ACOX2: variants seen among roughly 807,000 people sequenced by gnomAD.
The protein encoded by ACOX2 is peroxisomal acyl-coenzyme A oxidase 2.
ACOX2 carries 59 observed loss-of-function variants against 77.5 expected under a neutral mutation model. The ratio of observed to expected loss-of-function variants is 0.76; its 90% confidence interval spans 0.62 to 0.95. The LOEUF (loss-of-function observed/expected upper bound fraction) is 0.95. Ranked by LOEUF, ACOX2 falls within the 40% of genes least tolerant of loss-of-function variation. The pLI is 0.00. For synonymous variants in ACOX2, 317 were observed against 340.1 expected, an observed-to-expected ratio of 0.93 and a Z score of 0.75; for missense variants, 837 against 880.4, an observed-to-expected ratio of 0.95 and a Z score of 0.62.
At chr3:58,517,016 A>AT (rs1408580485) in intron 13 of ACOX2, among the ~76,000 whole-genome samples, 190 bp downstream of exon 13, 26 of 151,746 alleles carry the variant, frequency 1.7e-4, no homozygotes, top group Admixed American at 1.1e-3. Context: ...TATTTTTCCC[A>AT]TTTTTTCCCA....
intron 12 of ACOX2, among the ~76,000 whole-genome samples, chr3:58,518,075 CAAAAAAAAAAAAAAAAAA>C (rs763535906): frequency 4.2e-5 from 2 of 47,680 alleles, no homozygotes; most frequent in Non-Finnish European, 6.9e-5. Flanking sequence ...AACTCCATCT[CAAAAAAAAAAAAAAAAAA>C]AAAAAAAGAA....
Position 58,519,610 on chromosome 3 carries a change from G to A in ACOX2, c.1633-2187C>T, listed in dbSNP as rs1205180646. 2.0e-5 allele frequency among the ~76,000 whole-genome samples: 3 copies of A among 152,160 alleles called. No homozygotes were observed. The highest frequency in any genetic ancestry group is 7.2e-5 in the African/African-American group (3 of 41,438). On this transcript the variant is annotated intron_variant, in intron 12 of 14. Transcript: ENST00000302819. This position sits in a 1 kb window ranked among gnomAD's most constrained non-coding sequence, Gnocchi z 5.0. ...CTGGGGCCCAGGTCAGTGAAGGGCTGTGAATAACATGGTCAGAATTTGCTC... is the reference window on the plus strand; with the variant it reads ...CTGGGGCCCAGGTCAGTGAAGGGCTATGAATAACATGGTCAGAATTTGCTC...
rs1164992458 is a variant in ACOX2, at chr3:58,535,187, G to A, written c.-81C>T. 1 of 1,569,576 alleles carries A rather than the reference G, an allele frequency of 6.4e-7. No homozygotes were observed. The highest frequency in any genetic ancestry group is 1.7e-5 in the Admixed American group (1 of 59,452). ...GAGGGTCTGCTCTCAGCATTGGTCA[G>A]TGCAAAGAACCTGTGTGCAAGAGGA... On this transcript the variant is annotated 5_prime_UTR_variant, in exon 2 of 15. Transcript: ENST00000302819. The surrounding 1 kb of genome is among the most constrained non-coding windows in gnomAD (Gnocchi z 4.8).
rs752818120 is a variant in ACOX2 at position 58,519,882 on chromosome 3, G to C, written c.1633-2459C>G. Among the ~76,000 whole-genome samples the C allele has an allele frequency of 1.3e-5, 2 of 152,244 alleles. No individual in the cohort carries two copies. The highest frequency in any genetic ancestry group is 4.8e-5 in the African/African-American group (2 of 41,466). On this transcript the variant is annotated intron_variant, in intron 12 of 14. Transcript: ENST00000302819. The surrounding 1 kb of genome is among the most constrained non-coding windows in gnomAD (Gnocchi z 5.0). ...ACTGGGTCCAGCTTGGCAGAACTGCGGACCCGCACTCCTTTTCCTGTCCTA... is the reference window on the plus strand; with the variant it reads ...ACTGGGTCCAGCTTGGCAGAACTGCCGACCCGCACTCCTTTTCCTGTCCTA...
intron 12 of ACOX2, among the ~76,000 whole-genome samples, chr3:58,518,535 G>A (rs138330955): frequency 2.6e-5 from 4 of 152,180 alleles, no homozygotes; most frequent in Non-Finnish European, 4.4e-5. Context: ...TGAACAGTCC[G>A]CATCTCGTCA....
At position 58,534,842 on chromosome 3, in the gene ACOX2, A is replaced by G; in HGVS notation, c.160+105T>C. ...ATGAATCTCTAACAGTGGAATTTCA[A>G]GGGCAAAGTTTGTTATTTGGAAGCA... is the stretch of plus-strand genomic sequence containing the variant. On this transcript the variant is annotated intron_variant, in intron 2 of 14. Transcript: ENST00000302819. The surrounding 1 kb of genome is among the most constrained non-coding windows in gnomAD (Gnocchi z 4.8). 1 of 1,545,128 alleles carries G rather than the reference A, an allele frequency of 6.5e-7. No homozygotes were observed. The highest frequency in any genetic ancestry group is 1.4e-5 in the African/African-American group (1 of 73,538).
At position 58,505,794 on chromosome 3, in the gene ACOX2, T is replaced by C. The variant is rs2063230084; in HGVS notation, c.1984-508A>G. ...TGTAAGCTCCTCGAACACTGGGCTTTTGACTGTTTTTTTTTGGAGACAGTA... is the reference window on the plus strand; with the variant it reads ...TGTAAGCTCCTCGAACACTGGGCTTCTGACTGTTTTTTTTTGGAGACAGTA... On this transcript the variant is annotated intron_variant, in intron 14 of 14. Coordinates refer to ENST00000302819, the MANE Select transcript of ACOX2 (RefSeq NM_003500.4). The surrounding 1 kb of genome is among the most constrained non-coding windows in gnomAD (Gnocchi z 4.4). Among the ~76,000 whole-genome samples the C allele has an allele frequency of 7.2e-6, 1 of 139,164 alleles. No individual in the cohort carries two copies. The highest frequency in any genetic ancestry group is 1.6e-5 in the Non-Finnish European group (1 of 62,814). The allele number at this position is 139,164 out of a possible 152,430, so 91.3% of individuals were successfully genotyped here.
At position 58,522,099 on chromosome 3, in the gene ACOX2, G is replaced by T. The variant is rs1194262283; in HGVS notation, c.1632+397C>A. 1.3e-5 allele frequency among the ~76,000 whole-genome samples: 2 copies of T among 152,196 alleles called. No homozygotes were observed. The highest frequency in any genetic ancestry group is 2.9e-5 in the Non-Finnish European group (2 of 68,036). On this transcript the variant is annotated intron_variant, in intron 12 of 14. Transcript: ENST00000302819. The surrounding 1 kb of genome is among the most constrained non-coding windows in gnomAD (Gnocchi z 4.3). ...TTCACTGTTGAGCACCCAGGTCAGTGCCCAGGGCAGAGTGGGTGCTCAAAT... is the reference window on the plus strand; with the variant it reads ...TTCACTGTTGAGCACCCAGGTCAGTTCCCAGGGCAGAGTGGGTGCTCAAAT...
intron 14 of ACOX2, among the ~76,000 whole-genome samples, chr3:58,507,865 T>C (rs2063246319): frequency 6.6e-6 from 1 of 152,226 alleles, no homozygotes; most frequent in South Asian, 2.1e-4. Context: ...TATGACAGGC[T>C]GCAAATTGTT....
In ACOX2 at chr3:58,512,594, C is replaced by G. The variant is rs1190626581; in HGVS notation, c.1851-3569G>C. Among the ~76,000 whole-genome samples the G allele has an allele frequency of 2.6e-5, 4 of 152,176 alleles. No individual in the cohort carries two copies. Among genetic ancestry groups the G allele is most frequent in the African/African-American group, 9.7e-5 (4 of 41,446 alleles). On this transcript the variant is annotated intron_variant, in intron 13 of 14. Transcript: ENST00000302819. The surrounding 1 kb of genome is among the most constrained non-coding windows in gnomAD (Gnocchi z 4.8). ...TACTGTACTCCCTTAACTCTCTGCCCTCTGCCGTCATTTTCCACCGCAGTC... is the reference window on the plus strand; with the variant it reads ...TACTGTACTCCCTTAACTCTCTGCCGTCTGCCGTCATTTTCCACCGCAGTC...
rs2063342849 is a variant in ACOX2, at chr3:58,519,255, A to T, written c.1633-1832T>A. Among the ~76,000 whole-genome samples, 1 of 152,066 alleles carries T rather than the reference A, an allele frequency of 6.6e-6. No individual in the cohort carries two copies. The highest frequency in any genetic ancestry group is 6.5e-5 in the Admixed American group (1 of 15,272). On this transcript the variant is annotated intron_variant, in intron 12 of 14. Coordinates refer to ENST00000302819, the MANE Select transcript of ACOX2 (RefSeq NM_003500.4). This position sits in a 1 kb window ranked among gnomAD's most constrained non-coding sequence, Gnocchi z 5.0. ...AAAAATTAGCCAGGTGTGGTGGTGC[A>T]CACCTGTAATTCTGGCTACTCGGAA...
chr3:58,517,007 ATTTTTCCCAT>A (rs754751434), intron 13 of ACOX2, among the ~76,000 whole-genome samples, 189 bp downstream of exon 13: 12 of 152,190 alleles, frequency 7.9e-5, no homozygotes, highest in South Asian at 6.2e-4. Context: ...ATTCTTCAGT[ATTTTTCCCAT>A]TTTTTCCCAT....
chr3:58,510,745 A>G (rs2063281103), intron 13 of ACOX2, among the ~76,000 whole-genome samples: 1 of 114,080 alleles, frequency 8.8e-6, no homozygotes, highest in African/African-American at 3.4e-5. Context: ...CACACACTCA[A>G]CGATTTTTCT....
chr3:58,528,889 T>A lies in ACOX2; in HGVS notation c.1060A>T (p.Ser354Cys). The change falls in exon 9 of 15, where the codon AGT (serine) becomes TGT (cysteine). Residue 354 changes from serine to cysteine, a missense_variant. Physicochemically the swap from Ser to Cys is moderately radical, Grantham distance 112. Transcript: ENST00000302819. This position sits in a 1 kb window ranked among gnomAD's most constrained non-coding sequence, Gnocchi z 5.6. Reference protein sequence around the residue: ...QQKLFPQLAISYAFHFLAVSL... With the variant: ...QQKLFPQLAICYAFHFLAVSL... ...ACTGCCAGGAAATGGAAGGCATAAC[T>A]GATGGCCAGCTGAGGAAAGAGTTTC... The A allele has an allele frequency of 6.2e-7, 1 of 1,613,764 alleles. No homozygotes were observed.
chr3:58,529,379 T>A (rs1409703498), intron 8 of ACOX2, among the ~76,000 whole-genome samples: 4 of 152,130 alleles, frequency 2.6e-5, no homozygotes, highest in South Asian at 4.1e-4. Context: ...GCCTAAACAA[T>A]AACTCTTAGG....
rs78547133 is a variant in ACOX2, at chr3:58,532,071, G to A, written c.584-259C>T. ...ACTCTGTCATCAACCTTATAATAAT[G>A]AATACAGATAATTATCATTTATCAA... is the stretch of plus-strand genomic sequence containing the variant. On this transcript the variant is annotated intron_variant, in intron 5 of 14. Coordinates refer to ENST00000302819, the MANE Select transcript of ACOX2 (RefSeq NM_003500.4). Among the ~76,000 whole-genome samples the A allele has an allele frequency of 6.2e-3, 944 of 152,106 alleles. 15 individuals carry two copies. The highest frequency in any genetic ancestry group is 0.021 in the African/African-American group (884 of 41,486).
Position 58,533,946 on chromosome 3 carries a change from G to C in ACOX2, c.475+48C>G. ...CCTAGATGTAAATGGGCCCTCTGGA[G>C]TTTTGCAGTGCACAACCTAAACACC... On this transcript the variant is annotated intron_variant, in intron 4 of 14. Transcript: ENST00000302819. This position sits in a 1 kb window ranked among gnomAD's most constrained non-coding sequence, Gnocchi z 5.6. 6.2e-7 allele frequency: 1 copy of C among 1,606,614 alleles called. No homozygotes were observed. The highest frequency in any genetic ancestry group is 8.5e-7 in the Non-Finnish European group (1 of 1,175,152).
chr3:58,528,870 A>G lies in ACOX2; in HGVS notation c.1079T>C (p.Leu360Pro), dbSNP rs1390079522. 1.2e-6 allele frequency: 2 copies of G among 1,613,788 alleles called. No homozygotes were observed. The highest frequency in any genetic ancestry group is 1.7e-6 in the Non-Finnish European group (2 of 1,179,902). ...GAAGAACTCCAAGAGGCTGACTGCC[A>G]GGAAATGGAAGGCATAACTGATGGC... Reference protein sequence around the residue: ...QLAISYAFHFLAVSLLEFFQH... With the variant: ...QLAISYAFHFPAVSLLEFFQH... The change falls in exon 9 of 15, where the codon CTG becomes CCG. Residue 360 changes from leucine (L) to proline (P), a missense_variant. Leu to Pro is a moderately conservative substitution (Grantham distance 98). Transcript: ENST00000302819. The surrounding 1 kb of genome is among the most constrained non-coding windows in gnomAD (Gnocchi z 5.6).
Position 58,505,392 on chromosome 3 carries a change from G to T in ACOX2, c.1984-106C>A. The T allele has an allele frequency of 1.1e-6, 1 of 897,158 alleles. No homozygotes were observed. The allele number at this position is 897,158 out of a possible 1,614,324, so 55.6% of individuals were successfully genotyped here. On this transcript the variant is annotated intron_variant, in intron 14 of 14. Transcript: ENST00000302819. This position sits in a 1 kb window ranked among gnomAD's most constrained non-coding sequence, Gnocchi z 4.4. ...AGCTTCAAAAAGTAACATTACGTAA[G>T]ATTCTTAATTTTAAAAATTATTTCT...
Sources: gnomAD v4.1 joint callset for allele counts (sites outside exome capture counted in the v4.1 genomes callset) on GRCh38, gnomAD v4.1.1 for gene constraint, Gnocchi (gnomAD v3.1) non-coding constraint, MANE v1.5 for transcripts, NCBI Gene and HGNC (gene_info 2026-07-23, HGNC 2026-07-21) for gene names.